Variants in LDB2 observed in about 807,000 individuals in gnomAD.
LDB2 encodes the protein LIM domain binding 2.
LDB2 carries 12 observed loss-of-function variants against 44.3 expected under a neutral mutation model. The observed-to-expected ratio is 0.27, with a 90% CI of 0.17 to 0.44. LDB2 has a LOEUF of 0.44. LDB2 is among the 20% of genes least tolerant of loss of function. LDB2 has a pLI of 1.00. For synonymous variants in LDB2, 164 were observed against 174.8 expected (o/e 0.94, Z 0.49); for missense variants, 344 against 473.5 (o/e 0.73, Z 2.54).
chr4:16,897,917 T>C (rs184050230), intron 1 of LDB2, among the ~76,000 whole-genome samples: 19 of 16,870 alleles, frequency 1.1e-3, no homozygotes, highest in Middle Eastern at 0.028. Flanking sequence ...TATATATATA[T>C]ATATATATAT....
chr4:16,819,461 A>G (rs1170550733), intron 1 of LDB2, among the ~76,000 whole-genome samples: 1 of 7,898 alleles, frequency 1.3e-4, no homozygotes, highest in Non-Finnish European at 2.4e-4. Context: ...TGCACTCAGG[A>G]AAAAAAAAAA....
chr4:16,551,642 C>A (rs1394445909), intron 5 of LDB2, among the ~76,000 whole-genome samples: 2 of 152,058 alleles, frequency 1.3e-5, no homozygotes, highest in African/African-American at 4.8e-5. Context: ...CTCAGCCTCC[C>A]AAGTAGCTGG....
intron 1 of LDB2, among the ~76,000 whole-genome samples, chr4:16,769,966 C>T (rs1273134267): frequency 1.3e-5 from 2 of 151,800 alleles, no homozygotes; most frequent in Admixed American, 6.6e-5. Context: ...CAGTGGTTTT[C>T]CCCCCAAAGA....
intron 1 of LDB2, among the ~76,000 whole-genome samples, chr4:16,842,159 T>A (rs1045691645): frequency 3.9e-5 from 6 of 152,164 alleles, no homozygotes; most frequent in Non-Finnish European, 8.8e-5. Flanking sequence ...TCAACAGATA[T>A]AAAGCATAAT....
intron 6 of LDB2, among the ~76,000 whole-genome samples, chr4:16,510,911 C>G (rs1721478926): frequency 6.6e-6 from 1 of 152,116 alleles, no homozygotes; most frequent in African/African-American, 2.4e-5. Flanking sequence ...GAAAATATAG[C>G]ACTTGCTGAG....
At chr4:16,830,292 G>T (rs570405583) in intron 1 of LDB2, among the ~76,000 whole-genome samples, 18 of 152,128 alleles carry the variant, frequency 1.2e-4, no homozygotes, top group Non-Finnish European at 2.2e-4. Context: ...GACAGTGAGT[G>T]AGTTCTCAGG....
intron 1 of LDB2, among the ~76,000 whole-genome samples, chr4:16,865,795 C>T (rs917577787): frequency 1.3e-5 from 2 of 152,182 alleles, no homozygotes; most frequent in Non-Finnish European, 2.9e-5. Context: ...AATAGAATCT[C>T]TCATTCACCT....
chr4:16,627,398 T>A (rs1730563642), intron 2 of LDB2, among the ~76,000 whole-genome samples: 1 of 152,210 alleles, frequency 6.6e-6, no homozygotes, highest in African/African-American at 2.4e-5. Context: ...TCCACTCTTC[T>A]ATACAAGTGA....
intron 1 of LDB2, among the ~76,000 whole-genome samples, chr4:16,861,864 A>G (rs937331935): frequency 2.6e-5 from 4 of 152,196 alleles, no homozygotes; most frequent in Admixed American, 2.0e-4. Flanking sequence ...GGGCAGATTC[A>G]TCCTCCCGAA....
chr4:16,503,797 A>G (rs1054867278), intron 7 of LDB2, among the ~76,000 whole-genome samples: 1 of 152,230 alleles, frequency 6.6e-6, no homozygotes, highest in Admixed American at 6.5e-5. Flanking sequence ...TCTTTTAAGT[A>G]CAAATTGTCC....
At chr4:16,635,384 A>G (rs2152501087) in intron 2 of LDB2, among the ~76,000 whole-genome samples, 1 of 152,300 alleles carries the variant, frequency 6.6e-6, no homozygotes, top group East Asian at 1.9e-4. Context: ...ATTAAATTCA[A>G]ATGGTTGGGA....
intron 1 of LDB2, among the ~76,000 whole-genome samples, chr4:16,802,509 C>T (rs1476008192): frequency 6.6e-6 from 1 of 152,168 alleles, no homozygotes; most frequent in East Asian, 1.9e-4. Flanking sequence ...TGCTGACTCT[C>T]ATGTTCACCT....
intron 1 of LDB2, among the ~76,000 whole-genome samples, chr4:16,878,020 C>T (rs555037643): frequency 1.3e-5 from 2 of 151,972 alleles, no homozygotes; most frequent in Non-Finnish European, 2.9e-5. Context: ...AGAGAATAAA[C>T]TAAATCAATC....
At position 16,898,411 on chromosome 4, in the gene LDB2, C is replaced by T; in HGVS notation, c.75G>A (p.Met25Ile). The part of the protein sequence containing the change: ...GPFYRRHTPY[M>I]VQPEYRIYEM... ...CATAGATTCGGTACTCTGGCTGTAC[C>T]ATGTATGGTGTATGCCTCCTATAAA... Residue 25 changes from methionine (M) to isoleucine (I), a missense_variant, in exon 1 of 8, where the codon ATG becomes ATA. Around this residue, in one of 3 missense-constraint regions of LDB2, gnomAD observed 226 missense variants for 270.1 expected, o/e 0.84. Transcript: ENST00000304523. 6.2e-7 allele frequency: 1 copy of T among 1,613,764 alleles called. No individual in the cohort carries two copies. Among genetic ancestry groups the T allele is most frequent in the Non-Finnish European group, 8.5e-7 (1 of 1,179,846 alleles).
chr4:16,739,625 T>G (rs1762650639), intron 2 of LDB2, among the ~76,000 whole-genome samples: 1 of 73,466 alleles, frequency 1.4e-5, no homozygotes, highest in Non-Finnish European at 2.6e-5. Context: ...TATACATGTG[T>G]GTGTATATAT....
chr4:16,630,506 C>G (rs189918166), intron 2 of LDB2, among the ~76,000 whole-genome samples: 1 of 152,124 alleles, frequency 6.6e-6, no homozygotes, highest in African/African-American at 2.4e-5. Context: ...AGACCATCAA[C>G]GCCGTATAAA....
chr4:16,594,066 A>C (rs1159082204), intron 3 of LDB2, among the ~76,000 whole-genome samples: 1 of 149,056 alleles, frequency 6.7e-6, no homozygotes, highest in Non-Finnish European at 1.5e-5. Flanking sequence ...ATTACAGCAA[A>C]GTTTTTAATT....
chr4:16,805,104 A>G (rs1044372178), intron 1 of LDB2, among the ~76,000 whole-genome samples: 4 of 152,064 alleles, frequency 2.6e-5, no homozygotes, highest in African/African-American at 7.2e-5. Context: ...GGAGAGAGAG[A>G]GAAGGGTAGA....
chr4:16,637,813 G>A (rs1473305453), intron 2 of LDB2, among the ~76,000 whole-genome samples: 1 of 152,014 alleles, frequency 6.6e-6, no homozygotes, highest in African/African-American at 2.4e-5. Flanking sequence ...CCAAGAGAGG[G>A]TCATAGCAGA....
Sources: allele counts gnomAD v4.1 joint callset (sites outside exome capture counted in the v4.1 genomes callset), GRCh38; gene constraint gnomAD v4.1.1; regional missense constraint gnomAD v4.1.1; transcripts MANE v1.5; gene names NCBI Gene and HGNC (gene_info 2026-07-23, HGNC 2026-07-21).